The following AGBL1 variants were observed in gnomAD, a reference collection of about 807,000 sequenced individuals.
AGBL1 encodes cytosolic carboxypeptidase 4.
AGBL1 carries 130 observed loss-of-function variants against 118.9 expected under a neutral mutation model. The observed-to-expected ratio is 1.09, with a 90% confidence interval of 0.95 to 1.26. AGBL1 has a LOEUF of 1.26. AGBL1 is among the 50% of genes most tolerant of loss of function. The pLI, the probability that AGBL1 is intolerant of heterozygous loss-of-function variation, is 0.00. For synonymous variants in AGBL1, 555 were observed against 478.9 expected (o/e 1.16, Z -2.08); for missense variants, 1,584 against 1,298.1 (o/e 1.22, Z -3.38).
intron 18 of AGBL1, among the ~76,000 whole-genome samples, chr15:86,445,023 C>G (rs2082105325): frequency 6.6e-6 from 1 of 151,922 alleles, no homozygotes; most frequent in African/African-American, 2.4e-5. Context: ...AGGTGGAAAC[C>G]ACGTTGTCTT....
chr15:86,663,566 G>A (rs991006646), intron 21 of AGBL1, among the ~76,000 whole-genome samples: 6 of 152,222 alleles, frequency 3.9e-5, no homozygotes, highest in African/African-American at 1.4e-4. Context: ...ACAGCAAAGG[G>A]GAGGGAGGCA....
In AGBL1 at chr15:86,578,765, A is replaced by G. The variant is rs1026954508; in HGVS notation, c.2994+24228A>G. On this transcript the variant is annotated intron_variant, in intron 21 of 22. Transcript: ENST00000614907. ...GAGCTCTCTCTTTTTGCCTCTTGCC[A>G]TCCATGTAAGACGTGACTTGCGGCT... is the stretch of plus-strand genomic sequence containing the variant. Among the ~76,000 whole-genome samples, 5 of 152,176 alleles carry G rather than the reference A, an allele frequency of 3.3e-5. No individual in the cohort carries two copies. The South Asian group carries it at 6.2e-4, about 19-fold the overall frequency.
chr15:86,902,328 T>C (rs973372630), intron 22 of AGBL1, among the ~76,000 whole-genome samples: 10 of 152,178 alleles, frequency 6.6e-5, no homozygotes, highest in African/African-American at 2.4e-4. Context: ...GATATCTCAT[T>C]ATAGTCTTAA....
At chr15:86,141,886 C>T (rs913407064) in intron 1 of AGBL1, 118 bp from the exon 2 acceptor site, 2 of 1,027,110 alleles carry the variant, frequency 1.9e-6, no homozygotes, top group East Asian at 2.7e-5. Context: ...TGTCCTTTCG[C>T]TGTAGTTAAT....
intron 18 of AGBL1, among the ~76,000 whole-genome samples, chr15:86,402,221 C>G (rs1039555796): frequency 1.3e-5 from 2 of 149,222 alleles, no homozygotes; most frequent in Admixed American, 6.6e-5. Context: ...TTTATTTTTA[C>G]AGCTGTTGCA....
intron 22 of AGBL1, among the ~76,000 whole-genome samples, chr15:86,827,295 ATATATATG>A (rs1336122409): frequency 0.015 from 205 of 13,666 alleles, 17 homozygotes; most frequent in African/African-American, 0.12. Flanking sequence ...GTGTATGTAT[ATATATATG>A]TATATATATA....
chr15:86,362,127 A>G (rs1022122833), intron 17 of AGBL1, among the ~76,000 whole-genome samples: 2 of 152,136 alleles, frequency 1.3e-5, no homozygotes, highest in Admixed American at 6.5e-5. Context: ...ATGTATGTAA[A>G]TTATCTTACA....
intron 21 of AGBL1, among the ~76,000 whole-genome samples, chr15:86,562,665 G>A (rs2083844341): frequency 6.6e-6 from 1 of 152,212 alleles, no homozygotes; most frequent in South Asian, 2.1e-4. Flanking sequence ...CATAAAATGA[G>A]TTAGGGAGGA....
chr15:86,800,342 T>C (rs1265528753), intron 22 of AGBL1, among the ~76,000 whole-genome samples: 1 of 152,076 alleles, frequency 6.6e-6, no homozygotes, highest in African/African-American at 2.4e-5. Flanking sequence ...TAGGATAGTT[T>C]TGTATTTGTG....
intron 21 of AGBL1, among the ~76,000 whole-genome samples, chr15:86,620,958 C>T (rs562413882): frequency 2.0e-5 from 3 of 152,178 alleles, no homozygotes; most frequent in South Asian, 2.1e-4. Context: ...AGTTAAATCT[C>T]TCTATTATTT....
At chr15:86,935,831 T>G (rs995501224) in intron 23 of AGBL1, among the ~76,000 whole-genome samples, 2 of 152,246 alleles carry the variant, frequency 1.3e-5, no homozygotes, top group African/African-American at 4.8e-5. Flanking sequence ...GCAGCTATGA[T>G]TAGAAATGTG....
intron 17 of AGBL1, among the ~76,000 whole-genome samples, chr15:86,319,835 C>T (rs2058408186): frequency 2.2e-5 from 3 of 136,628 alleles, no homozygotes; most frequent in Admixed American, 1.7e-4. Context: ...TGGTTCACTG[C>T]CACCTTCGCC....
chr15:86,999,120 C>T (rs950098126), intron 24 of AGBL1, among the ~76,000 whole-genome samples: 9 of 150,464 alleles, frequency 6.0e-5, no homozygotes, highest in African/African-American at 2.0e-4. Context: ...TTTTTTCGTC[C>T]TTCGATAGTT....
At chr15:86,463,572 G>T (rs1012241375) in intron 18 of AGBL1, among the ~76,000 whole-genome samples, 8 of 152,014 alleles carry the variant, frequency 5.3e-5, no homozygotes, top group Non-Finnish European at 1.0e-4. Context: ...TATGGTTTTA[G>T]GTCTTATGTT....
intron 22 of AGBL1, among the ~76,000 whole-genome samples, chr15:86,899,294 C>A (rs566425534): frequency 1.6e-4 from 25 of 152,220 alleles, no homozygotes; most frequent in African/African-American, 6.0e-4. Flanking sequence ...AGCAGAAAAC[C>A]AAATACCACG....
intron 20 of AGBL1, among the ~76,000 whole-genome samples, chr15:86,547,227 T>A (rs1301951164): frequency 1.3e-5 from 2 of 152,168 alleles, no homozygotes; most frequent in East Asian, 3.9e-4. Context: ...ACTAGTTTAG[T>A]AAATTAAAGC....
At chr15:86,886,878 G>A (rs1252877789) in intron 22 of AGBL1, among the ~76,000 whole-genome samples, 1 of 152,128 alleles carries the variant, frequency 6.6e-6, no homozygotes, top group African/African-American at 2.4e-5. Flanking sequence ...AAACTCAGAC[G>A]AAGAAATAAG....
At chr15:86,906,065 G>A (rs574221412) in intron 22 of AGBL1, among the ~76,000 whole-genome samples, 8 of 152,314 alleles carry the variant, frequency 5.3e-5, no homozygotes, top group Admixed American at 5.2e-4. Context: ...GATCTAACAT[G>A]TAACCATGCT....
intron 21 of AGBL1, among the ~76,000 whole-genome samples, chr15:86,669,823 A>G (rs2085709545): frequency 3.3e-5 from 5 of 152,190 alleles, no homozygotes. Flanking sequence ...CTATGGCAAT[A>G]AAGTCTGAAA....
Sources: allele counts gnomAD v4.1 joint callset (sites outside exome capture counted in the v4.1 genomes callset), GRCh38; gene constraint gnomAD v4.1.1; transcripts MANE v1.5; gene names NCBI Gene and HGNC (gene_info 2026-07-23, HGNC 2026-07-21).